The following CCDC192 variants were observed in gnomAD, a reference collection of about 807,000 sequenced individuals.
The protein encoded by CCDC192 is coiled-coil domain containing 192.
intron 2 of CCDC192, among the ~76,000 whole-genome samples, chr5:127,735,436 T>C (rs1752917442): frequency 6.8e-6 from 1 of 146,774 alleles, no homozygotes; most frequent in East Asian, 2.0e-4. Flanking sequence ...CATATGAACT[T>C]TAAAGTAGTT....
At chr5:127,732,791 T>C (rs542057378) in intron 2 of CCDC192, among the ~76,000 whole-genome samples, 5 of 152,194 alleles carry the variant, frequency 3.3e-5, no homozygotes, top group African/African-American at 1.2e-4. Context: ...AGCTGAATGA[T>C]GAGAACACAT....
At chr5:127,940,177 C>G (rs1754342081) in intron 6 of CCDC192, among the ~76,000 whole-genome samples, 1 of 152,116 alleles carries the variant, frequency 6.6e-6, no homozygotes, top group African/African-American at 2.4e-5. Flanking sequence ...TGACTCAGGC[C>G]TTTATCCTCA....
intron 2 of CCDC192, among the ~76,000 whole-genome samples, chr5:127,736,324 G>A (rs1280965921): frequency 6.2e-5 from 9 of 144,494 alleles, no homozygotes; most frequent in African/African-American, 1.8e-4. Context: ...TGCTGGATTC[G>A]TTTTGCCAGT....
chr5:127,883,153 T>G (rs1752422405), intron 6 of CCDC192, among the ~76,000 whole-genome samples: 1 of 152,214 alleles, frequency 6.6e-6, no homozygotes, highest in African/African-American at 2.4e-5. Context: ...CTCTACTATG[T>G]CCAAGGGTGC....
intron 5 of CCDC192, among the ~76,000 whole-genome samples, chr5:127,852,304 A>G (rs1408073762): frequency 6.6e-6 from 1 of 152,210 alleles, no homozygotes; most frequent in Non-Finnish European, 1.5e-5. Flanking sequence ...CGCATAAAGC[A>G]TATGTTTGAT....
intron 3 of CCDC192, among the ~76,000 whole-genome samples, chr5:127,757,922 A>G (rs1469776522): frequency 6.6e-6 from 1 of 151,730 alleles, no homozygotes; most frequent in African/African-American, 2.4e-5. Context: ...AGGATTTGTC[A>G]CAAGGATGTT....
At chr5:127,867,722 A>C (rs1751672465) in intron 5 of CCDC192, among the ~76,000 whole-genome samples, 1 of 152,220 alleles carries the variant, frequency 6.6e-6, no homozygotes, top group African/African-American at 2.4e-5. Context: ...TCCTTGGTCT[A>C]CATTTTCTTT....
chr5:127,818,141 A>G (rs531555640), intron 5 of CCDC192, among the ~76,000 whole-genome samples: 2 of 151,784 alleles, frequency 1.3e-5, no homozygotes, highest in South Asian at 2.1e-4. Flanking sequence ...TGATATTTAC[A>G]TATTTTTTTG....
At chr5:127,881,481 C>G (rs1428720318) in intron 6 of CCDC192, among the ~76,000 whole-genome samples, 1 of 152,118 alleles carries the variant, frequency 6.6e-6, no homozygotes, top group Non-Finnish European at 1.5e-5. Flanking sequence ...TCAGGTCTGT[C>G]ATTCAGGTCT....
intron 5 of CCDC192, among the ~76,000 whole-genome samples, chr5:127,872,548 G>T (rs1751906420): frequency 1.3e-5 from 2 of 152,158 alleles, no homozygotes; most frequent in Admixed American, 1.3e-4. Flanking sequence ...CTCAACCCAA[G>T]TCCCACAGGT....
intron 5 of CCDC192, among the ~76,000 whole-genome samples, chr5:127,869,613 T>C (rs1446428460): frequency 6.6e-6 from 1 of 152,236 alleles, no homozygotes; most frequent in Non-Finnish European, 1.5e-5. Context: ...TAAACACTTA[T>C]ACAGGCATCC....
chr5:127,890,836 A>G (rs1752711242), intron 6 of CCDC192, among the ~76,000 whole-genome samples: 1 of 152,184 alleles, frequency 6.6e-6, no homozygotes, highest in African/African-American at 2.4e-5. Flanking sequence ...GCCCGACAAA[A>G]CATCTGGTGG....
chr5:127,779,515 T>G (rs902596431), intron 3 of CCDC192, among the ~76,000 whole-genome samples: 2 of 152,074 alleles, frequency 1.3e-5, no homozygotes, highest in African/African-American at 4.8e-5. Flanking sequence ...CGGGACAGTC[T>G]CGATCTCCTG....
intron 5 of CCDC192, chr5:127,857,622 AG>A (rs537270282): frequency 6.6e-6 from 1 of 152,208 alleles, no homozygotes; most frequent in African/African-American, 2.4e-5. Flanking sequence ...ACATGACTGT[AG>A]GGGCTGGCAA....
At chr5:127,898,249 T>C (rs1752947464) in intron 6 of CCDC192, among the ~76,000 whole-genome samples, 1 of 152,038 alleles carries the variant, frequency 6.6e-6, no homozygotes, top group Non-Finnish European at 1.5e-5. Context: ...GCTGGGATTA[T>C]AGGCACCCAC....
At chr5:127,704,501 T>C (rs1442141394) in intron 1 of CCDC192, among the ~76,000 whole-genome samples, 1 of 152,192 alleles carries the variant, frequency 6.6e-6, no homozygotes, top group Non-Finnish European at 1.5e-5. Flanking sequence ...TTCGTTAAGT[T>C]TTAAAATGTA....
intron 6 of CCDC192, among the ~76,000 whole-genome samples, chr5:127,939,698 T>C (rs1429040018): frequency 1.3e-5 from 2 of 151,858 alleles, no homozygotes; most frequent in African/African-American, 4.8e-5. Flanking sequence ...TTTTTTTTTT[T>C]TTTTGCCTGC....
chr5:127,906,183 T>C (rs1753189123), intron 6 of CCDC192, among the ~76,000 whole-genome samples: 1 of 152,140 alleles, frequency 6.6e-6, no homozygotes, highest in Non-Finnish European at 1.5e-5. Flanking sequence ...GAAAAATAAC[T>C]GCTCTCCCCC....
At chr5:127,796,639 C>T (rs1466899290) in intron 3 of CCDC192, among the ~76,000 whole-genome samples, 1 of 152,152 alleles carries the variant, frequency 6.6e-6, no homozygotes, top group Non-Finnish European at 1.5e-5. Context: ...TACCCCAGTT[C>T]CATGCACCCT....
Sources: gnomAD v4.1 joint callset for allele counts (sites outside exome capture counted in the v4.1 genomes callset) on GRCh38, gnomAD v4.1.1 for gene constraint, MANE v1.5 for transcripts, NCBI Gene and HGNC (gene_info 2026-07-23, HGNC 2026-07-21) for gene names.